The following TAFA1 variants were observed in gnomAD, a reference collection of about 807,000 sequenced individuals.
TAFA1 encodes chemokine-like protein TAFA-1.
In TAFA1, 4 loss-of-function variants were observed where a neutral mutation model predicts 18.5. The observed-to-expected ratio is 0.22, with a 90% CI of 0.11 to 0.49. The LOEUF (loss-of-function observed/expected upper bound fraction) is 0.49. TAFA1 is among the 20% of genes least tolerant of loss of function. The pLI is 0.98. For missense variants in TAFA1, 147 were observed against 169.0 expected (o/e 0.87, Z 0.72); for synonymous variants, 56 against 55.2 (o/e 1.01, Z -0.06).
At chr3:68,312,570 T>C (rs2068538611) in intron 2 of TAFA1, among the ~76,000 whole-genome samples, 1 of 152,218 alleles carries the variant, frequency 6.6e-6, no homozygotes, top group Admixed American at 6.5e-5. Context: ...GAATCATCTT[T>C]ACTTCAGTTC....
intron 3 of TAFA1, among the ~76,000 whole-genome samples, chr3:68,461,413 T>G (rs2071779410): frequency 7.8e-6 from 1 of 127,530 alleles, no homozygotes; most frequent in African/African-American, 3.1e-5. Flanking sequence ...CATCTAGAGA[T>G]TTTTAGCTAG....
At position 68,194,833 on chromosome 3, in the gene TAFA1, T is replaced by G. The variant is rs2066391785; in HGVS notation, c.118+188089T>G. ...TGTCTCATAGGGTTGGTGTGAGGTT[T>G]TGTTGGTAAAGTGTATAACATAGAG... On this transcript the variant is annotated intron_variant, in intron 2 of 4. Transcript: ENST00000478136. Among the ~76,000 whole-genome samples, 12 of 151,848 alleles carry G rather than the reference T, an allele frequency of 7.9e-5. No homozygotes were observed. The South Asian group carries it at 2.5e-3, about 32-fold the overall frequency.
chr3:68,251,710 G>A (rs1318549160), intron 2 of TAFA1, among the ~76,000 whole-genome samples: 2 of 152,220 alleles, frequency 1.3e-5, no homozygotes, highest in Admixed American at 1.3e-4. Flanking sequence ...AACAGTGCTT[G>A]TGAAGAACAC....
chr3:68,359,321 C>A (rs1047394329), intron 2 of TAFA1, among the ~76,000 whole-genome samples: 28 of 151,992 alleles, frequency 1.8e-4, no homozygotes, highest in Non-Finnish European at 4.0e-4. Flanking sequence ...CCCCCACAAT[C>A]CCTAGCACCT....
chr3:68,479,238 A>AAG (rs1337861664), intron 3 of TAFA1, among the ~76,000 whole-genome samples: 195 of 132,722 alleles, frequency 1.5e-3, no homozygotes, highest in Non-Finnish European at 1.6e-3. Flanking sequence ...TCAAAAAAAA[A>AAG]AAAATATATA....
intron 3 of TAFA1, among the ~76,000 whole-genome samples, chr3:68,498,997 C>CCAAAAGA (rs1171239497): frequency 1.3e-5 from 2 of 151,906 alleles, no homozygotes; most frequent in Non-Finnish European, 2.9e-5. Flanking sequence ...TTTTCTCTCT[C>CCAAAAGA]CTACTTTTGC....
chr3:68,005,512 AC>A (rs1212047760), intron 1 of TAFA1, among the ~76,000 whole-genome samples: 1 of 152,228 alleles, frequency 6.6e-6, no homozygotes, highest in African/African-American at 2.4e-5. Flanking sequence ...TGTTTTCTGA[AC>A]ATCAGTTTTT....
At chr3:68,315,777 A>G (rs550844490) in intron 2 of TAFA1, among the ~76,000 whole-genome samples, 1 of 152,338 alleles carries the variant, frequency 6.6e-6, no homozygotes, top group South Asian at 2.1e-4. Context: ...ATTTTTGTCA[A>G]CATTGACAGA....
chr3:68,481,981 A>T (rs1282739439), intron 3 of TAFA1, among the ~76,000 whole-genome samples: 1 of 152,170 alleles, frequency 6.6e-6, no homozygotes, highest in Admixed American at 6.5e-5. Flanking sequence ...TTACTCAAGA[A>T]AAGAGATCCA....
chr3:68,514,743 A>G (rs1251907101), intron 3 of TAFA1, among the ~76,000 whole-genome samples: 22 of 151,832 alleles, frequency 1.4e-4, no homozygotes, highest in Admixed American at 1.3e-3. Context: ...TTTTTTCCCA[A>G]TATCATTAGA....
upstream of TAFA1, chr3:68,004,117 T>C (rs1267084512): frequency 6.6e-6 from 1 of 152,200 alleles, no homozygotes; most frequent in Non-Finnish European, 1.5e-5. Context: ...AATCAGGCAA[T>C]ATAATGTTAA....
intron 2 of TAFA1, among the ~76,000 whole-genome samples, chr3:68,240,893 A>C (rs554137805): frequency 6.6e-6 from 1 of 152,308 alleles, no homozygotes; most frequent in Non-Finnish European, 1.5e-5. Flanking sequence ...AGAGCAACTT[A>C]ACCATGGACA....
At chr3:68,314,128 T>C (rs72626963) in intron 2 of TAFA1, among the ~76,000 whole-genome samples, 3,938 of 152,296 alleles carry the variant, frequency 0.026, 91 homozygotes, top group East Asian at 0.098. Flanking sequence ...GTTCAGTTAG[T>C]GTTTGGTTGT....
At chr3:68,483,665 C>T (rs2072278865) in intron 3 of TAFA1, among the ~76,000 whole-genome samples, 1 of 152,166 alleles carries the variant, frequency 6.6e-6, no homozygotes, top group Admixed American at 6.5e-5. Flanking sequence ...TTTATTTTAC[C>T]TAGGGTGGTT....
At chr3:68,252,120 C>T (rs895095476) in intron 2 of TAFA1, among the ~76,000 whole-genome samples, 2 of 152,142 alleles carry the variant, frequency 1.3e-5, no homozygotes, top group Admixed American at 6.5e-5. Flanking sequence ...GCTTGTTTCT[C>T]ATCTTCTTCC....
chr3:68,439,404 TATAC>T (rs887220050), intron 3 of TAFA1, among the ~76,000 whole-genome samples: 20 of 85,752 alleles, frequency 2.3e-4, no homozygotes, highest in South Asian at 4.8e-4. Flanking sequence ...ATAGAATATA[TATAC>T]ATACATATAT....
chr3:68,225,883 C>T (rs1160100608), intron 2 of TAFA1, among the ~76,000 whole-genome samples: 1 of 91,412 alleles, frequency 1.1e-5, no homozygotes, highest in Non-Finnish European at 2.5e-5. Flanking sequence ...TTGCTGTAAG[C>T]ATAAAAAAAA....
intron 2 of TAFA1, among the ~76,000 whole-genome samples, chr3:68,252,424 A>G (rs546925286): frequency 6.6e-6 from 1 of 152,196 alleles, no homozygotes; most frequent in Non-Finnish European, 1.5e-5. Flanking sequence ...ATCAAATTAT[A>G]TTACTGATAT....
chr3:68,519,691 G>A (rs955618483), intron 3 of TAFA1, among the ~76,000 whole-genome samples: 1 of 152,134 alleles, frequency 6.6e-6, no homozygotes, highest in Non-Finnish European at 1.5e-5. Flanking sequence ...CCTCTTCTGG[G>A]TTGTATACTC....
Sources: allele counts gnomAD v4.1 joint callset (sites outside exome capture counted in the v4.1 genomes callset), GRCh38; gene constraint gnomAD v4.1.1; transcripts MANE v1.5; gene names NCBI Gene and HGNC (gene_info 2026-07-23, HGNC 2026-07-21).